The following HSPD1 variants were observed in gnomAD, a reference collection of about 807,000 sequenced individuals.
HSPD1 encodes heat shock protein family D (Hsp60) member 1, also known as 60 kDa heat shock protein, mitochondrial.
Under a neutral mutation model 53.0 loss-of-function variants are expected in HSPD1, and 3 were observed. The ratio of observed to expected loss-of-function variants is 0.06; its 90% CI spans 0.03 to 0.15. The LOEUF is 0.15. Among genes scored for constraint, HSPD1 ranks in the 10% least tolerant of loss-of-function variants. The pLI is 1.00. For missense variants in HSPD1, 431 were observed against 694.1 expected, an observed-to-expected ratio of 0.62 and a Z score of 4.26; for synonymous variants, 200 against 228.0, an observed-to-expected ratio of 0.88 and a Z score of 1.10.
intron 7 of HSPD1, 83 bp from the exon 8 acceptor site, chr2:197,490,379 C>A: frequency 9.6e-7 from 1 of 1,041,426 alleles, no homozygotes; most frequent in Non-Finnish European, 1.5e-6. Flanking sequence ...TACTAGATTA[C>A]TTAGGACTCC....
Position 197,489,049 on chromosome 2 carries a change from G to T in HSPD1, c.1168C>A (p.Leu390Met). ...VTTSEYEKEK[L>M]NERLAKLSDG... is the part of the protein sequence containing the mutation. ...GAAAGTTTTGCAAGCCGTTCATTCAGTTTTTCCTTTTCATATTCACTAGTT... is the reference window on the plus strand; with the variant it reads ...GAAAGTTTTGCAAGCCGTTCATTCATTTTTTCCTTTTCATATTCACTAGTT... Residue 390 changes from leucine to methionine, a missense_variant, in exon 9 of 12, where the codon CTG (leucine) becomes ATG (methionine). Physicochemically the swap from Leu to Met is conservative, Grantham distance 15. Around this residue, in one of 2 missense-constraint regions of HSPD1, gnomAD observed 386 missense variants for 657.6 expected, o/e 0.59. Coordinates refer to ENST00000388968, the MANE Select transcript of HSPD1 (RefSeq NM_002156.5). 1 of 1,613,902 alleles carries T rather than the reference G, an allele frequency of 6.2e-7. No individual in the cohort carries two copies. The highest frequency in any genetic ancestry group is 8.5e-7 in the Non-Finnish European group (1 of 1,179,806).
At chr2:197,496,786 T>C in intron 3 of HSPD1, 1 of 305,402 alleles carries the variant, frequency 3.3e-6, no homozygotes, top group Non-Finnish European at 6.3e-6. Flanking sequence ...AACTAAAAAT[T>C]AGCCAGGAAT....
chr2:197,495,173 G>T, intron 4 of HSPD1, 121 bp downstream of exon 4: 2 of 689,430 alleles, frequency 2.9e-6, no homozygotes, highest in South Asian at 1.6e-5. Context: ...AAGAAACAAT[G>T]ATTCTAATAT....
At position 197,497,304 on chromosome 2, in the gene HSPD1, T is replaced by A; in HGVS notation, c.263A>T (p.Asp88Val). 6.2e-7 allele frequency: 1 copy of A among 1,613,682 alleles called. No homozygotes were observed. The highest frequency in any genetic ancestry group is 8.5e-7 in the Non-Finnish European group (1 of 1,179,568). The change falls in exon 3 of 12, where the codon GAT becomes GTT. Residue 88 changes from aspartate to valine, a missense_variant. Transcript: ENST00000388968. ...TTTAGCTCCAATGTTTTTGTATTTA[T>A]CTTTTAAGTCAATTGACTTTGCAAC... ...VTVAKSIDLKDKYKNIGAKLV... is the reference protein window; with the variant it reads ...VTVAKSIDLKVKYKNIGAKLV...
At chr2:197,494,104 CTCTG>C (rs1237212048) in intron 6 of HSPD1, 49 bp downstream of exon 6, 4 of 900,566 alleles carry the variant, frequency 4.4e-6, no homozygotes, top group East Asian at 2.6e-5. Context: ...GAGAATGAGA[CTCTG>C]TCTAAAATAA....
At chr2:197,492,933 G>A (rs1012857992) in intron 7 of HSPD1, among the ~76,000 whole-genome samples, 1 of 151,028 alleles carries the variant, frequency 6.6e-6, no homozygotes, top group Admixed American at 6.6e-5. Context: ...TTTGAACCTA[G>A]GAGATGGAGA....
At chr2:197,495,181 T>C (rs1237854754) in intron 4 of HSPD1, 113 bp downstream of exon 4, 2 of 702,492 alleles carry the variant, frequency 2.8e-6, no homozygotes, top group Middle Eastern at 3.8e-4. Context: ...ATGATTCTAA[T>C]ATTGATGATT....
intron 10 of HSPD1, 67 bp from the exon 11 acceptor site, chr2:197,488,103 G>C: frequency 1.6e-6 from 2 of 1,226,378 alleles, no homozygotes; most frequent in Non-Finnish European, 2.3e-6. Flanking sequence ...TTTATAAGTT[G>C]TGAGGATATT....
upstream of HSPD1, chr2:197,500,248 G>A (rs2086231550): frequency 2.8e-6 from 2 of 718,684 alleles, no homozygotes; most frequent in Non-Finnish European, 4.7e-6. Context: ...CAGGGCCCTT[G>A]GGGCGAATCG....
intron 3 of HSPD1, 92 bp from the exon 4 acceptor site, chr2:197,495,468 T>C (rs966702307): frequency 6.4e-6 from 6 of 938,540 alleles, no homozygotes; most frequent in East Asian, 2.5e-5. Context: ...AATATTTTAA[T>C]GCCTTAACTT....
intron 1 of HSPD1, 140 bp from the exon 2 acceptor site, chr2:197,498,990 G>C (rs2086199553): frequency 2.5e-6 from 2 of 796,318 alleles, no homozygotes; most frequent in Non-Finnish European, 4.3e-6. Context: ...CCTGAATGAC[G>C]GAAGGCGCCG....
At chr2:197,493,618 C>G in intron 6 of HSPD1, 126 bp from the exon 7 acceptor site, 1 of 712,354 alleles carries the variant, frequency 1.4e-6, no homozygotes, top group South Asian at 1.6e-5. Context: ...TCCTTCATTT[C>G]TCATATGCAT....
At chr2:197,488,868 C>CA in intron 9 of HSPD1, 134 bp downstream of exon 9, 1 of 1,083,056 alleles carries the variant, frequency 9.2e-7, no homozygotes, top group Admixed American at 1.8e-5. Flanking sequence ...CAAAACAAAA[C>CA]AAACAAAATT....
chr2:197,494,391 A>C, intron 5 of HSPD1, 141 bp from the exon 6 acceptor site: 1 of 657,724 alleles, frequency 1.5e-6, no homozygotes, highest in Non-Finnish European at 2.7e-6. Flanking sequence ...ATCCAATTAC[A>C]CTTCTGCAAA....
chr2:197,496,746 G>T (rs1172548217), intron 3 of HSPD1: 1 of 260,068 alleles, frequency 3.8e-6, no homozygotes, highest in Non-Finnish European at 7.6e-6. Context: ...GAATGATCCA[G>T]TGTATTTAGT....
At chr2:197,498,652 C>A (rs757573488) in intron 2 of HSPD1, 23 bp downstream of exon 2, 2 of 1,602,124 alleles carry the variant, frequency 1.2e-6, no homozygotes, top group Admixed American at 3.3e-5. Context: ...ACCGTAATTA[C>A]AATAAAATAA....
intron 7 of HSPD1, chr2:197,490,717 C>T: frequency 4.2e-6 from 1 of 236,980 alleles, no homozygotes; most frequent in Non-Finnish European, 8.4e-6. Flanking sequence ...GTAATCCCCA[C>T]TACTCAGGAG....
intron 7 of HSPD1, among the ~76,000 whole-genome samples, 171 bp downstream of exon 7, chr2:197,493,153 C>T (rs924966852): frequency 3.9e-5 from 6 of 152,054 alleles, no homozygotes; most frequent in African/African-American, 1.4e-4. Context: ...CCTTCAAAAA[C>T]ACAACCATAA....
At chr2:197,491,897 G>T (rs1038597353) in intron 7 of HSPD1, among the ~76,000 whole-genome samples, 3 of 152,190 alleles carry the variant, frequency 2.0e-5, no homozygotes, top group Non-Finnish European at 4.4e-5. Context: ...CCAGCACTTT[G>T]GGAGGCTGAG....
Sources: allele counts gnomAD v4.1 joint callset (sites outside exome capture counted in the v4.1 genomes callset), GRCh38; gene constraint gnomAD v4.1.1; regional missense constraint gnomAD v4.1.1; transcripts MANE v1.5; gene names NCBI Gene and HGNC (gene_info 2026-07-23, HGNC 2026-07-21).